SLC25A38: variants seen among roughly 807,000 people sequenced by gnomAD.
The protein encoded by SLC25A38 is mitochondrial glycine transporter.
In SLC25A38, 27 loss-of-function variants were observed where a neutral mutation model predicts 33.4. The ratio of observed to expected loss-of-function variants is 0.81; its 90% confidence interval spans 0.60 to 1.11. SLC25A38 has a LOEUF of 1.11. SLC25A38 is among the 50% of genes most tolerant of loss of function. The probability of loss-of-function intolerance (pLI) is 0.00; values close to 1 mark genes in which losing one functional copy is unlikely to be tolerated. For missense variants in SLC25A38, 344 were observed against 388.8 expected, an observed-to-expected ratio of 0.88 and a Z score of 0.97; for synonymous variants, 123 against 145.9, an observed-to-expected ratio of 0.84 and a Z score of 1.13.
rs572699596 is a variant in SLC25A38, at chr3:39,391,806, A to G, written c.457-47A>G. 6 of 1,612,538 alleles carry G rather than the reference A, an allele frequency of 3.7e-6. No homozygotes were observed. The East Asian group carries it at 1.3e-4, about 36-fold the overall frequency. On this transcript the variant is annotated intron_variant, in intron 4 of 6. Transcript: ENST00000650617. ...CTGCAGTCTGCTTGTTCAGTGCTGA[A>G]ATGCAGCGCCTCCATGCGAGTCACT...
Position 39,383,422 on chromosome 3 carries a change from A to C in SLC25A38, c.-303A>C, listed in dbSNP as rs114422738. Reference sequence around the variant, plus strand: ...CGGGATACACAGAACCTCATCTCCTACGGTGCTGAAGCCTGCAGCAGGGCA... The same window carrying C: ...CGGGATACACAGAACCTCATCTCCTCCGGTGCTGAAGCCTGCAGCAGGGCA... On this transcript the variant is annotated 5_prime_UTR_variant, in exon 1 of 7. Coordinates refer to ENST00000650617, the MANE Select transcript of SLC25A38 (RefSeq NM_017875.4). The C allele has an allele frequency of 5.6e-3, 2,366 of 423,062 alleles. 51 individuals are homozygous for C. The highest frequency in any genetic ancestry group is 0.044 in the African/African-American group (2,161 of 49,510). 26.2% of individuals were successfully genotyped at this position (423,062 alleles called of 1,614,324 possible). A position where few individuals can be genotyped will look rare whatever the true frequency, so the allele number is the denominator to read the frequency against.
rs1012451112 is a variant in SLC25A38 at position 39,383,569 on chromosome 3, C to T, written c.-156C>T. ...ACTAGCAGGATCCGAACCCCGGCGG[C>T]TGCGTGCTTATAGGCGCAGACGTCA... On this transcript the variant is annotated 5_prime_UTR_variant, in exon 1 of 7. Transcript: ENST00000650617. 4 of 756,568 alleles carry T rather than the reference C, an allele frequency of 5.3e-6. No homozygotes were observed. The African/African-American group carries it at 5.3e-5, about 10-fold the overall frequency. The allele number at this position is 756,568 out of a possible 1,614,324, so 46.9% of individuals were successfully genotyped here.
At position 39,383,747 on chromosome 3, in the gene SLC25A38, C is replaced by A. The variant is rs1359315232; in HGVS notation, c.23C>A (p.Ser8Ter). The change falls in exon 1 of 7, where the codon TCG becomes TAG. Residue 8 changes from serine (S) to a stop codon, truncating the protein, a stop_gained. Transcript: ENST00000650617. LOFTEE classifies it high-confidence loss of function. Reference sequence around the variant, plus strand: ...CCAATGATTCAGAACTCACGTCCGTCGCTGCTGCAACCCCAAGATGTCGGA... The same window carrying A: ...CCAATGATTCAGAACTCACGTCCGTAGCTGCTGCAACCCCAAGATGTCGGA... The part of the protein sequence containing the change: MIQNSRP[S>*]LLQPQDVGDT... 6.2e-7 allele frequency: 1 copy of A among 1,614,054 alleles called. No individual in the cohort carries two copies. The highest frequency in any genetic ancestry group is 1.3e-5 in the African/African-American group (1 of 74,938).
intron 1 of SLC25A38, among the ~76,000 whole-genome samples, chr3:39,385,049 G>T (rs2041695213): frequency 6.6e-6 from 1 of 152,124 alleles, no homozygotes; most frequent in Non-Finnish European, 1.5e-5. Flanking sequence ...TGATCCGTCT[G>T]CCTCGGCCTC....
Position 39,390,569 on chromosome 3 carries a change from A to T in SLC25A38, c.276+62A>T, listed in dbSNP as rs1275395056. The T allele has an allele frequency of 3.3e-6, 5 of 1,512,000 alleles. No individual in the cohort carries two copies. In the East Asian group the frequency reaches 1.1e-4, roughly 34 times the overall value. The allele number at this position is 1,512,000 out of a possible 1,614,324, so 93.7% of individuals were successfully genotyped here. ...ACTCCTTAATAACCAGCTATTTCTCATCTACCTTACCAGCTCTTAAGGATA... is the reference window on the plus strand; with the variant it reads ...ACTCCTTAATAACCAGCTATTTCTCTTCTACCTTACCAGCTCTTAAGGATA... On this transcript the variant is annotated intron_variant, in intron 3 of 6. Coordinates refer to ENST00000650617, the MANE Select transcript of SLC25A38 (RefSeq NM_017875.4).
At chr3:39,386,463 A>G (rs1315644027) in intron 1 of SLC25A38, among the ~76,000 whole-genome samples, 1 of 152,080 alleles carries the variant, frequency 6.6e-6, no homozygotes, top group African/African-American at 2.4e-5. Context: ...GGTCCCAGCT[A>G]CTCGTGAGGC....
rs375346031 is a variant in SLC25A38, at chr3:39,394,616, A to C, written c.792+40A>C. ...TAAGTACTGGTTCTTGTGGTGTTTAAGGATCTCTTTCTAGAGCAGTAGTTC... is the reference window on the plus strand; with the variant it reads ...TAAGTACTGGTTCTTGTGGTGTTTACGGATCTCTTTCTAGAGCAGTAGTTC... On this transcript the variant is annotated intron_variant, in intron 6 of 6. Transcript: ENST00000650617. The C allele has an allele frequency of 2.9e-5, 46 of 1,612,026 alleles. No individual in the cohort carries two copies. In the African/African-American group the frequency reaches 4.4e-4, roughly 15 times the overall value.
chr3:39,390,272 G>C (rs889060588), intron 2 of SLC25A38, 151 bp from the exon 3 acceptor site: 1 of 796,238 alleles, frequency 1.3e-6, no homozygotes, highest in Non-Finnish European at 2.2e-6. Flanking sequence ...GCCAACCTAC[G>C]AACACATAGA....
At position 39,396,822 on chromosome 3, in the gene SLC25A38, T is replaced by C. The variant is rs1255678399; in HGVS notation, c.*302T>C. The C allele has an allele frequency of 1.9e-5, 8 of 421,084 alleles. No individual in the cohort carries two copies. The highest frequency in any genetic ancestry group is 2.7e-5 in the Non-Finnish European group (6 of 224,902). 26.1% of individuals were successfully genotyped at this position (421,084 alleles called of 1,614,324 possible). ...TCCCAGGAGAGCTCTGTCAGGTGGC[T>C]GCGCTTCAGCCCCACCCCTACACCA... On this transcript the variant is annotated 3_prime_UTR_variant, in exon 7 of 7. Transcript: ENST00000650617.
intron 1 of SLC25A38, among the ~76,000 whole-genome samples, chr3:39,387,037 G>T (rs2041714889): frequency 6.6e-6 from 1 of 152,114 alleles, no homozygotes; most frequent in Non-Finnish European, 1.5e-5. Flanking sequence ...TAAGGGAGAG[G>T]CCAGAGAAGT....
At chr3:39,390,548 CT>C (rs1368630077) in intron 3 of SLC25A38, 41 bp downstream of exon 3, 1 of 1,584,500 alleles carries the variant, frequency 6.3e-7, no homozygotes, top group South Asian at 1.1e-5. Context: ...GCATCCACTC[CT>C]TAATAACCAG....
intron 1 of SLC25A38, chr3:39,388,398 T>G (rs1451010701): frequency 6.6e-6 from 1 of 152,156 alleles, no homozygotes; most frequent in East Asian, 1.9e-4. Context: ...ATAACTGGCT[T>G]CTTTGGTGGA....
chr3:39,396,663 C>G lies in SLC25A38; in HGVS notation c.*143C>G. On this transcript the variant is annotated 3_prime_UTR_variant, in exon 7 of 7. Transcript: ENST00000650617. The stretch of plus-strand genomic sequence containing the variant: ...TGTGTTGCCTTTGCCTTCAGTAATC[C>G]CCTTAAGGAGAAAATATATGGACCT... The G allele has an allele frequency of 7.5e-7, 1 of 1,327,074 alleles. No individual in the cohort carries two copies. Among genetic ancestry groups the G allele is most frequent in the Non-Finnish European group, 1.1e-6 (1 of 939,474 alleles). The allele number at this position is 1,327,074 out of a possible 1,614,324, so 82.2% of individuals were successfully genotyped here.
chr3:39,383,865 C>T, intron 1 of SLC25A38, 72 bp downstream of exon 1: 3 of 1,556,066 alleles, frequency 1.9e-6, no homozygotes, highest in Non-Finnish European at 8.8e-7. Context: ...CGGGGCGTTG[C>T]TAAGGCTCGG....
rs1379980296 is a variant in SLC25A38 at position 39,391,438 on chromosome 3, C to T, written c.277-3C>T. 6.2e-7 allele frequency: 1 copy of T among 1,613,154 alleles called. No homozygotes were observed. Among genetic ancestry groups the T allele is most frequent in the African/African-American group, 1.3e-5 (1 of 74,898 alleles). ...TTTCTTTTCTCCCTGACCTTCTCTG[C>T]AGTCCATTGTGAGATGTGTCCCTGG... On this transcript the variant is annotated splice_polypyrimidine_tract_variant and splice_region_variant and intron_variant, in intron 3 of 6. Transcript: ENST00000650617.
rs892795238 is a variant in SLC25A38, at chr3:39,384,333, T to G, written c.69+540T>G. The G allele has an allele frequency of 3.0e-5, 7 of 232,138 alleles. 1 individual carries two copies. The highest frequency in any genetic ancestry group is 8.4e-5 in the East Asian group (1 of 11,880). The allele number at this position is 232,138 out of a possible 1,614,324, so 14.4% of individuals were successfully genotyped here. On this transcript the variant is annotated intron_variant, in intron 1 of 6. Transcript: ENST00000650617. ...CACGCCTCCTCCGGCGTTCGATTGG[T>G]CATCGTGCCCGGGCCGCCGGGCCGC...
At position 39,389,403 on chromosome 3, in the gene SLC25A38, A is replaced by C; in HGVS notation, c.70-92A>C. 1 of 1,599,180 alleles carries C rather than the reference A, an allele frequency of 6.3e-7. No homozygotes were observed. Among genetic ancestry groups the C allele is most frequent in the South Asian group, 1.1e-5 (1 of 90,218 alleles). ...AGGCACCACCAGGTAAGTGTCTAAG[A>C]GACCATTATAAAGGAATTTGCTGGT... On this transcript the variant is annotated intron_variant, in intron 1 of 6. Coordinates refer to ENST00000650617, the MANE Select transcript of SLC25A38 (RefSeq NM_017875.4). This position sits in a 1 kb window ranked among gnomAD's most constrained non-coding sequence, Gnocchi z 4.5.
intron 3 of SLC25A38, 117 bp downstream of exon 3, chr3:39,390,624 A>G (rs2041754097): frequency 4.0e-6 from 4 of 1,011,372 alleles, no homozygotes; most frequent in Admixed American, 3.7e-5. Context: ...GGGAGTACCT[A>G]TGTGGTCTTA....
intron 3 of SLC25A38, 57 bp downstream of exon 3, chr3:39,390,564 T>C: frequency 1.3e-6 from 2 of 1,537,860 alleles, no homozygotes; most frequent in Non-Finnish European, 1.8e-6. Context: ...AACCAGCTAT[T>C]TCTCATCTAC....
Sources: gnomAD v4.1 joint callset for allele counts (sites outside exome capture counted in the v4.1 genomes callset) on GRCh38, gnomAD v4.1.1 for gene constraint, Gnocchi (gnomAD v3.1) non-coding constraint, MANE v1.5 for transcripts, NCBI Gene and HGNC (gene_info 2026-07-23, HGNC 2026-07-21) for gene names.